The following CCDC191 variants were observed in gnomAD, a reference collection of about 807,000 sequenced individuals.
CCDC191 encodes the protein coiled-coil domain containing 191, also known as coiled-coil domain-containing protein 191.
Under a neutral mutation model 114.0 loss-of-function variants are expected in CCDC191, and 99 were observed. That is an observed-to-expected ratio of 0.87 (90% CI 0.74 to 1.03). CCDC191 has a LOEUF of 1.03. CCDC191 is among the 50% of genes least tolerant of loss of function. The probability of loss-of-function intolerance (pLI) is 0.00; values close to 1 mark genes in which losing one functional copy is unlikely to be tolerated. For synonymous variants in CCDC191, 351 were observed against 376.0 expected, an observed-to-expected ratio of 0.93 and a Z score of 0.77; for missense variants, 973 against 1,087.0, an observed-to-expected ratio of 0.90 and a Z score of 1.47.
At chr3:113,982,310 CAATTT>C (rs1025289932) in intron 13 of CCDC191, among the ~76,000 whole-genome samples, 2 of 152,102 alleles carry the variant, frequency 1.3e-5, no homozygotes, top group African/African-American at 4.8e-5. Flanking sequence ...TCTTACATAG[CAATTT>C]AATTCAAATA....
At position 114,028,691 on chromosome 3, in the gene CCDC191, G is replaced by A. The variant is rs544259234; in HGVS notation, c.972+2935C>T. On this transcript the variant is annotated intron_variant, in intron 7 of 16. Coordinates refer to ENST00000295878, the MANE Select transcript of CCDC191 (RefSeq NM_020817.2). ...TCAGAGAAAGAAATTACAAGTGAGC[G>A]AGATGGAAAGACTACACTGAAACCT... Among the ~76,000 whole-genome samples the A allele has an allele frequency of 1.4e-4, 22 of 151,802 alleles. No individual in the cohort carries two copies. In the South Asian group the frequency reaches 2.9e-3, roughly 20 times the overall value.
intron 7 of CCDC191, among the ~76,000 whole-genome samples, chr3:114,020,383 C>A (rs1222484838): frequency 1.3e-5 from 2 of 152,242 alleles, no homozygotes; most frequent in East Asian, 3.9e-4. Flanking sequence ...CTTGTTTAGA[C>A]AAACTAAACA....
intron 7 of CCDC191, among the ~76,000 whole-genome samples, chr3:114,024,708 G>T (rs1430337759): frequency 1.3e-5 from 2 of 152,262 alleles, no homozygotes; most frequent in East Asian, 3.9e-4. Context: ...TGTGGGGTAG[G>T]GGGAGGGAGG....
At position 114,043,606 on chromosome 3, in the gene CCDC191, T is replaced by C. The variant is rs1005718800; in HGVS notation, c.272-760A>G. Among the ~76,000 whole-genome samples the C allele has an allele frequency of 2.0e-5, 3 of 152,188 alleles. No homozygotes were observed. The South Asian group carries it at 6.2e-4, about 32-fold the overall frequency. On this transcript the variant is annotated intron_variant, in intron 3 of 16. Transcript: ENST00000295878. ...CACTCTTGACACAATTCTAGCTACT[T>C]TGGCTTTTACTCTGAGTACAATGGG...
At chr3:114,012,852 A>G (rs1056273147) in intron 8 of CCDC191, among the ~76,000 whole-genome samples, 3 of 152,206 alleles carry the variant, frequency 2.0e-5, no homozygotes, top group African/African-American at 7.2e-5. Context: ...AGAGAGAAAC[A>G]CTTCTGTAAC....
At chr3:114,031,540 TTA>T (rs2076404000) in intron 7 of CCDC191, 84 bp downstream of exon 7, 1 of 1,154,458 alleles carries the variant, frequency 8.7e-7, no homozygotes, top group South Asian at 1.3e-5. Context: ...TCAACTGGAC[TTA>T]GTTTTTATTT....
chr3:114,006,747 A>G (rs1314265652), intron 9 of CCDC191, among the ~76,000 whole-genome samples: 1 of 151,630 alleles, frequency 6.6e-6, no homozygotes, highest in East Asian at 1.9e-4. Context: ...AAACCAAAGA[A>G]TATCTTTACA....
chr3:114,000,096 C>G (rs2075825107), intron 13 of CCDC191, among the ~76,000 whole-genome samples: 1 of 151,250 alleles, frequency 6.6e-6, no homozygotes, highest in Non-Finnish European at 1.5e-5. Flanking sequence ...TATGTGTCAA[C>G]TTGACTATAC....
chr3:114,017,384 C>A (rs569684170), intron 8 of CCDC191, among the ~76,000 whole-genome samples: 20 of 152,288 alleles, frequency 1.3e-4, no homozygotes, highest in African/African-American at 4.8e-4. Flanking sequence ...ACGTTCTCAG[C>A]AGCAGATGGA....
chr3:113,994,376 CCT>C (rs2075659046), intron 13 of CCDC191, among the ~76,000 whole-genome samples: 1 of 152,096 alleles, frequency 6.6e-6, no homozygotes, highest in Non-Finnish European at 1.5e-5. Context: ...ATTAAACCCC[CCT>C]AACTGACAAT....
At chr3:113,974,444 C>T (rs1029615913) in intron 16 of CCDC191, among the ~76,000 whole-genome samples, 4 of 152,060 alleles carry the variant, frequency 2.6e-5, no homozygotes, top group African/African-American at 4.8e-5. Flanking sequence ...CTCAGGCTTC[C>T]GAGTAGGTGG....
chr3:113,967,472 T>A (rs922397533), intron 16 of CCDC191, among the ~76,000 whole-genome samples: 8 of 152,128 alleles, frequency 5.3e-5, no homozygotes, highest in African/African-American at 1.9e-4. Context: ...GTTTGGCACT[T>A]ATTTATAGCC....
chr3:114,019,620 CT>C (rs2076215592), intron 7 of CCDC191, among the ~76,000 whole-genome samples: 1 of 152,196 alleles, frequency 6.6e-6, no homozygotes, highest in Non-Finnish European at 1.5e-5. Flanking sequence ...TTACTTTCAG[CT>C]TTTGGCCTTG....
At chr3:114,043,615 A>G (rs1036200298) in intron 3 of CCDC191, among the ~76,000 whole-genome samples, 1 of 152,170 alleles carries the variant, frequency 6.6e-6, no homozygotes, top group African/African-American at 2.4e-5. Flanking sequence ...TTTGGCTTTT[A>G]CTCTGAGTAC....
chr3:114,030,108 G>A (rs1451049407), intron 7 of CCDC191, among the ~76,000 whole-genome samples: 2 of 152,114 alleles, frequency 1.3e-5, no homozygotes, highest in African/African-American at 2.4e-5. Flanking sequence ...TGTTAACATT[G>A]GGAAAAGTTG....
intron 6 of CCDC191, among the ~76,000 whole-genome samples, chr3:114,034,569 A>G (rs2076454269): frequency 6.6e-6 from 1 of 152,184 alleles, no homozygotes; most frequent in South Asian, 2.1e-4. Flanking sequence ...AATGGTGAAA[A>G]ATCCAAAATA....
rs540125329 is a variant in CCDC191 at position 114,044,976 on chromosome 3, C to A, written c.271+1615G>T. ...GATATAAACCTTTGAAAACCATGTT[C>A]TATCCATTGGTGTTCTATCCATATA... On this transcript the variant is annotated intron_variant, in intron 3 of 16. Coordinates refer to ENST00000295878, the MANE Select transcript of CCDC191 (RefSeq NM_020817.2). Among the ~76,000 whole-genome samples, 7 of 152,298 alleles carry A rather than the reference C, an allele frequency of 4.6e-5. No individual in the cohort carries two copies. The South Asian group carries it at 1.0e-3, about 23-fold the overall frequency.
chr3:114,016,133 A>G (rs1376226776), intron 8 of CCDC191, among the ~76,000 whole-genome samples: 1 of 152,246 alleles, frequency 6.6e-6, no homozygotes, highest in Non-Finnish European at 1.5e-5. Context: ...AACAACTGAC[A>G]TTTAAATAAC....
intron 6 of CCDC191, among the ~76,000 whole-genome samples, chr3:114,032,846 C>T (rs1396616173): frequency 6.6e-6 from 1 of 152,018 alleles, no homozygotes; most frequent in African/African-American, 2.4e-5. Context: ...TTTAAGATAG[C>T]TTACAAATAG....
Sources: gnomAD v4.1 joint callset for allele counts (sites outside exome capture counted in the v4.1 genomes callset) on GRCh38, gnomAD v4.1.1 for gene constraint, MANE v1.5 for transcripts, NCBI Gene and HGNC (gene_info 2026-07-23, HGNC 2026-07-21) for gene names.